CSMD1: variants seen among roughly 807,000 people sequenced by gnomAD.
CSMD1 encodes the protein CUB and sushi domain-containing protein 1.
CSMD1 carries 213 observed loss-of-function variants against 417.5 expected under a neutral mutation model. The ratio of observed to expected loss-of-function variants is 0.51; its 90% CI spans 0.46 to 0.57. The LOEUF (loss-of-function observed/expected upper bound fraction) is 0.57. CSMD1 is among the 20% of genes least tolerant of loss of function. The pLI, the probability that CSMD1 is intolerant of heterozygous loss-of-function variation, is 0.00. For synonymous variants in CSMD1, 2,862 were observed against 1,736.8 expected (o/e 1.65, Z -16.11); for missense variants, 6,923 against 4,529.7 (o/e 1.53, Z -15.17).
chr8:3,402,784 T>C (rs1812118335), intron 15 of CSMD1, among the ~76,000 whole-genome samples: 1 of 152,194 alleles, frequency 6.6e-6, no homozygotes. Flanking sequence ...TTGCTTTAAA[T>C]TGTTTATAAC....
chr8:3,767,643 C>A lies in CSMD1; in HGVS notation c.819-13601G>T, dbSNP rs572618749. Among the ~76,000 whole-genome samples, 10 of 152,286 alleles carry A rather than the reference C, an allele frequency of 6.6e-5. No homozygotes were observed. The South Asian group carries it at 1.5e-3, about 22-fold the overall frequency. On this transcript the variant is annotated intron_variant, in intron 5 of 69. Coordinates refer to ENST00000635120, the MANE Select transcript of CSMD1 (RefSeq NM_033225.6). ...CACTTGCATATATATTCACGCAATG[C>A]ATACTGTATATGATATATGGTATAC...
intron 5 of CSMD1, among the ~76,000 whole-genome samples, chr8:3,894,532 G>A (rs1471582668): frequency 6.6e-6 from 1 of 152,084 alleles, no homozygotes; most frequent in African/African-American, 2.4e-5. Flanking sequence ...ATAATCCTAT[G>A]ATAGATTCCT....
chr8:3,436,763 G>A (rs551403952), intron 12 of CSMD1, among the ~76,000 whole-genome samples: 6 of 152,170 alleles, frequency 3.9e-5, no homozygotes, highest in African/African-American at 1.2e-4. Flanking sequence ...TAGGAGTAAG[G>A]CTTAAAAAAA....
At chr8:4,917,004 C>A (rs374906808) in intron 1 of CSMD1, among the ~76,000 whole-genome samples, 1 of 152,150 alleles carries the variant, frequency 6.6e-6, no homozygotes, top group Non-Finnish European at 1.5e-5. Context: ...TCTTACCTTG[C>A]TATAAATAAC....
At chr8:4,371,780 G>C (rs781253732) in intron 3 of CSMD1, among the ~76,000 whole-genome samples, 12 of 152,252 alleles carry the variant, frequency 7.9e-5, no homozygotes, top group Middle Eastern at 3.4e-3. Flanking sequence ...GACAAATATT[G>C]TTTTTTAATT....
chr8:4,715,825 G>A (rs1808618749), intron 1 of CSMD1, among the ~76,000 whole-genome samples: 1 of 152,108 alleles, frequency 6.6e-6, no homozygotes, highest in African/African-American at 2.4e-5. Context: ...TACCCCTCTG[G>A]ACCAAACCAA....
intron 2 of CSMD1, among the ~76,000 whole-genome samples, chr8:4,469,592 G>C (rs1279609250): frequency 2.0e-5 from 3 of 152,110 alleles, no homozygotes; most frequent in Non-Finnish European, 4.4e-5. Context: ...ACCTTGGAGT[G>C]GTCTTTGACT....
At chr8:3,653,174 A>C (rs1363705318) in intron 7 of CSMD1, among the ~76,000 whole-genome samples, 1 of 151,878 alleles carries the variant, frequency 6.6e-6, no homozygotes, top group Admixed American at 6.6e-5. Context: ...TTTTAAATAT[A>C]TAAATATACA....
chr8:3,908,636 T>C (rs771571130), intron 5 of CSMD1, among the ~76,000 whole-genome samples: 2 of 152,198 alleles, frequency 1.3e-5, no homozygotes. Flanking sequence ...AAAATCTGTC[T>C]TATTTTTTGT....
chr8:4,570,712 G>A (rs1415651267), intron 2 of CSMD1, among the ~76,000 whole-genome samples: 1 of 152,174 alleles, frequency 6.6e-6, no homozygotes, highest in Non-Finnish European at 1.5e-5. Flanking sequence ...AGTTTCAGAA[G>A]GAATGGTACA....
intron 2 of CSMD1, 85 bp downstream of exon 2, chr8:4,637,257 T>C (rs1802877592): frequency 1.6e-6 from 2 of 1,214,112 alleles, no homozygotes. Context: ...CCGGACACAA[T>C]AATAAAATTT....
intron 3 of CSMD1, among the ~76,000 whole-genome samples, chr8:4,348,850 C>T (rs1369000613): frequency 1.3e-5 from 2 of 152,162 alleles, no homozygotes; most frequent in Admixed American, 1.3e-4. Context: ...AAGGTACGAA[C>T]ATGCTCTTAG....
intron 7 of CSMD1, among the ~76,000 whole-genome samples, chr8:3,649,926 T>C (rs1797762456): frequency 6.7e-6 from 1 of 148,258 alleles, no homozygotes; most frequent in African/African-American, 2.5e-5. Context: ...TATATGTAAC[T>C]TAAAATTACA....
At chr8:3,960,336 T>C (rs890379167) in intron 5 of CSMD1, among the ~76,000 whole-genome samples, 1 of 152,294 alleles carries the variant, frequency 6.6e-6, no homozygotes, top group African/African-American at 2.4e-5. Flanking sequence ...ACTTTCCAAA[T>C]GTAATTGACA....
intron 1 of CSMD1, among the ~76,000 whole-genome samples, chr8:4,696,216 T>C (rs1416616668): frequency 6.6e-6 from 1 of 152,234 alleles, no homozygotes; most frequent in East Asian, 1.9e-4. Context: ...TTATTTTCAG[T>C]CTATGGACAT....
chr8:4,013,435 T>C (rs900153856), intron 4 of CSMD1, among the ~76,000 whole-genome samples: 10 of 152,034 alleles, frequency 6.6e-5, no homozygotes, highest in Admixed American at 5.9e-4. Flanking sequence ...AATATTCCGG[T>C]TTTCTACTAT....
intron 2 of CSMD1, among the ~76,000 whole-genome samples, chr8:4,435,456 G>A (rs1006469098): frequency 3.3e-5 from 5 of 152,094 alleles, no homozygotes; most frequent in African/African-American, 4.8e-5. Flanking sequence ...ACTTATCACT[G>A]GTTTCCACAG....
rs1296498347 is a variant in CSMD1 at position 3,326,221 on chromosome 8, A to G, written c.3631+17073T>C. 2.0e-5 allele frequency among the ~76,000 whole-genome samples: 3 copies of G among 152,226 alleles called. No individual in the cohort carries two copies. The East Asian group carries it at 5.8e-4, about 29-fold the overall frequency. ...ATGTTGGTCAGTTAGCAAGGATGAT[A>G]AAACATCATATTAAACTGTAAGAGA... On this transcript the variant is annotated intron_variant, in intron 23 of 69. Transcript: ENST00000635120.
At chr8:3,337,482 T>G (rs953028430) in intron 23 of CSMD1, among the ~76,000 whole-genome samples, 1 of 152,160 alleles carries the variant, frequency 6.6e-6, no homozygotes, top group Non-Finnish European at 1.5e-5. Flanking sequence ...AAGATCTCTT[T>G]GCGGTTGGCA....
Sources: allele counts gnomAD v4.1 joint callset (sites outside exome capture counted in the v4.1 genomes callset), GRCh38; gene constraint gnomAD v4.1.1; transcripts MANE v1.5; gene names NCBI Gene and HGNC (gene_info 2026-07-23, HGNC 2026-07-21).